Variants in PLCB1 observed in about 807,000 individuals in gnomAD.
PLCB1 encodes the protein phospholipase C beta 1, also known as 1-phosphatidylinositol 4,5-bisphosphate phosphodiesterase beta-1.
PLCB1 carries 46 observed loss-of-function variants against 161.8 expected under a neutral mutation model. That is an observed-to-expected ratio of 0.28 (90% CI 0.22 to 0.36). The LOEUF (loss-of-function observed/expected upper bound fraction) is 0.36, where lower values mean the gene tolerates loss of function less well. Ranked by LOEUF, PLCB1 falls within the 10% of genes least tolerant of loss-of-function variation. The pLI is 1.00. For synonymous variants in PLCB1, 517 were observed against 503.7 expected, an observed-to-expected ratio of 1.03 and a Z score of -0.35; for missense variants, 1,016 against 1,472.5, an observed-to-expected ratio of 0.69 and a Z score of 5.07.
chr20:8,583,525 C>T (rs1986897321), intron 3 of PLCB1, among the ~76,000 whole-genome samples: 1 of 152,144 alleles, frequency 6.6e-6, no homozygotes, highest in Admixed American at 6.5e-5. Flanking sequence ...ATGGAATGAA[C>T]ATATAATCTC....
At chr20:8,828,266 G>A (rs1985808768) in intron 31 of PLCB1, among the ~76,000 whole-genome samples, 2 of 152,128 alleles carry the variant, frequency 1.3e-5, no homozygotes, top group African/African-American at 4.8e-5. Context: ...GGTTTTTTAG[G>A]ATACTCTCAA....
chr20:8,218,311 A>G (rs958022531), intron 2 of PLCB1, among the ~76,000 whole-genome samples: 3 of 152,118 alleles, frequency 2.0e-5, no homozygotes, highest in African/African-American at 2.4e-5. Flanking sequence ...TGCATAATAC[A>G]TATGCTCAGA....
chr20:8,378,621 A>G (rs901869548), intron 3 of PLCB1, among the ~76,000 whole-genome samples: 19 of 152,194 alleles, frequency 1.2e-4, no homozygotes, highest in Admixed American at 9.8e-4. Context: ...GCTGAAGATT[A>G]GGGTAGTGGT....
At chr20:8,389,076 A>G (rs946882450) in intron 3 of PLCB1, among the ~76,000 whole-genome samples, 8 of 152,364 alleles carry the variant, frequency 5.3e-5, no homozygotes, top group African/African-American at 1.9e-4. Flanking sequence ...AGCTACTATT[A>G]AAATGTAGAA....
At chr20:8,306,266 T>C (rs908109877) in intron 2 of PLCB1, 1 of 152,220 alleles carries the variant, frequency 6.6e-6, no homozygotes, top group Non-Finnish European at 1.5e-5. Context: ...ACTCAGTGTC[T>C]CAGACAAGTC....
intron 2 of PLCB1, among the ~76,000 whole-genome samples, chr20:8,311,678 C>T (rs1450469115): frequency 6.6e-6 from 1 of 152,162 alleles, no homozygotes; most frequent in Non-Finnish European, 1.5e-5. Context: ...CACAGAAATG[C>T]TATCATAACT....
At chr20:8,820,361 C>T (rs971001956) in intron 31 of PLCB1, among the ~76,000 whole-genome samples, 4 of 151,906 alleles carry the variant, frequency 2.6e-5, no homozygotes, top group Admixed American at 6.6e-5. Context: ...AAAACACAAA[C>T]GATTGGCAAC....
chr20:8,820,147 T>C (rs2063312336), intron 31 of PLCB1, among the ~76,000 whole-genome samples: 1 of 148,082 alleles, frequency 6.8e-6, no homozygotes, highest in Non-Finnish European at 1.5e-5. Context: ...ATTGGGTGAA[T>C]AGGTGGATAC....
At chr20:8,202,517 A>G (rs1978324482) in intron 2 of PLCB1, among the ~76,000 whole-genome samples, 2 of 152,254 alleles carry the variant, frequency 1.3e-5, no homozygotes, top group African/African-American at 2.4e-5. Flanking sequence ...CTACAGTGAT[A>G]TCTATCTTTC....
intron 2 of PLCB1, among the ~76,000 whole-genome samples, chr20:8,181,420 A>G (rs2123090660): frequency 6.6e-6 from 1 of 152,290 alleles, no homozygotes; most frequent in African/African-American, 2.4e-5. Flanking sequence ...TTATTGTTGA[A>G]ATAAAAAAAG....
At chr20:8,351,040 G>A (rs1986161618) in intron 2 of PLCB1, among the ~76,000 whole-genome samples, 1 of 152,044 alleles carries the variant, frequency 6.6e-6, no homozygotes, top group East Asian at 1.9e-4. Context: ...ACTGAGATTA[G>A]CTAATACAAA....
rs7508776 is a variant in PLCB1, at chr20:8,563,944, C to T, written c.247-64350C>T. On this transcript the variant is annotated intron_variant, in intron 3 of 31. Transcript: ENST00000338037. The stretch of plus-strand genomic sequence containing the variant: ...CCCAAAGTAATTTTTAGATTCAATG[C>T]TATCCCCATCAAGCTACCATTGACT... Among the ~76,000 whole-genome samples the T allele has an allele frequency of 2.5e-3, 383 of 152,224 alleles. 1 individual carries two copies. Among genetic ancestry groups the T allele is most frequent in the African/African-American group, 8.8e-3 (364 of 41,534 alleles).
Position 8,788,170 on chromosome 20 carries a change from T to C in PLCB1, c.3112-279T>C, listed in dbSNP as rs6056113. 0.25 allele frequency among the ~76,000 whole-genome samples: 38,222 copies of C among 152,152 alleles called. 5,333 individuals are homozygous for C. Among genetic ancestry groups the C allele is most frequent in the South Asian group, 0.35 (1,697 of 4,820 alleles). On this transcript the variant is annotated intron_variant, in intron 27 of 31. Coordinates refer to ENST00000338037, the MANE Select transcript of PLCB1 (RefSeq NM_015192.4). ...CAGGTTCTACACTGTAAGTTGTCTT[T>C]GCACTGAGCTGGGCTATAATAACTG...
chr20:8,288,400 T>C (rs1342642667), intron 2 of PLCB1, among the ~76,000 whole-genome samples: 2 of 152,156 alleles, frequency 1.3e-5, no homozygotes, highest in African/African-American at 4.8e-5. Context: ...GAGATTCTGA[T>C]GCAAGTGATT....
intron 31 of PLCB1, among the ~76,000 whole-genome samples, chr20:8,826,125 A>C (rs943359574): frequency 1.3e-5 from 2 of 152,184 alleles, no homozygotes; most frequent in African/African-American, 4.8e-5. Context: ...TGAGAAGAGA[A>C]GTCTTAGCTG....
At chr20:8,525,853 C>T (rs530397780) in intron 3 of PLCB1, among the ~76,000 whole-genome samples, 190 of 150,530 alleles carry the variant, frequency 1.3e-3, no homozygotes, top group South Asian at 2.7e-3. Context: ...TTCTGTAGCT[C>T]TATTCTGTTA....
At chr20:8,199,660 T>C (rs991245036) in intron 2 of PLCB1, among the ~76,000 whole-genome samples, 5 of 152,148 alleles carry the variant, frequency 3.3e-5, no homozygotes, top group Admixed American at 2.0e-4. Context: ...TCTTAATGAT[T>C]TTTCAGTAAC....
intron 3 of PLCB1, among the ~76,000 whole-genome samples, chr20:8,624,155 A>G (rs964046609): frequency 2.0e-5 from 3 of 152,218 alleles, no homozygotes; most frequent in Admixed American, 2.0e-4. Flanking sequence ...TAAGGAATCC[A>G]TCTCTTTCAT....
At chr20:8,547,655 A>T (rs1985605980) in intron 3 of PLCB1, among the ~76,000 whole-genome samples, 1 of 152,000 alleles carries the variant, frequency 6.6e-6, no homozygotes, top group Non-Finnish European at 1.5e-5. Context: ...TTGTCAGTCC[A>T]CCTTGACATT....
Sources: gnomAD v4.1 joint callset for allele counts (sites outside exome capture counted in the v4.1 genomes callset) on GRCh38, gnomAD v4.1.1 for gene constraint, MANE v1.5 for transcripts, NCBI Gene and HGNC (gene_info 2026-07-23, HGNC 2026-07-21) for gene names.